SLC35F3: variants seen among roughly 807,000 people sequenced by gnomAD.
SLC35F3 encodes putative thiamine transporter SLC35F3.
SLC35F3 carries 25 observed loss-of-function variants against 49.9 expected under a neutral mutation model. That is an observed-to-expected ratio of 0.50 (90% CI 0.37 to 0.70). The LOEUF is 0.70. Ranked by LOEUF, SLC35F3 falls within the 30% of genes least tolerant of loss-of-function variation. SLC35F3 has a pLI of 0.00. For missense variants in SLC35F3, 525 were observed against 639.8 expected (o/e 0.82, Z 1.94); for synonymous variants, 275 against 265.4 (o/e 1.04, Z -0.35).
At chr1:233,942,685 C>A (rs958401816) in intron 2 of SLC35F3, among the ~76,000 whole-genome samples, 3 of 152,184 alleles carry the variant, frequency 2.0e-5, no homozygotes, top group African/African-American at 4.8e-5. Context: ...AGTGTTAGGA[C>A]TACAGACATG....
intron 2 of SLC35F3, among the ~76,000 whole-genome samples, chr1:234,021,782 G>C (rs1476383783): frequency 6.6e-6 from 1 of 151,846 alleles, no homozygotes; most frequent in Non-Finnish European, 1.5e-5. Context: ...TTTTATTCTT[G>C]GTTAATTTCC....
At chr1:234,130,473 T>TAAAAAAAA (rs71170467) in intron 2 of SLC35F3, among the ~76,000 whole-genome samples, 1 of 138,856 alleles carries the variant, frequency 7.2e-6, no homozygotes, top group Non-Finnish European at 1.5e-5. Context: ...ACCCCGTCTC[T>TAAAAAAAA]AAAAAAAAAA....
At chr1:234,048,757 A>G (rs1022339499) in intron 2 of SLC35F3, among the ~76,000 whole-genome samples, 16 of 151,338 alleles carry the variant, frequency 1.1e-4, no homozygotes, top group Admixed American at 5.9e-4. Flanking sequence ...CATTGGGTCC[A>G]GAAGGTAAGG....
Position 234,231,035 on chromosome 1 carries a change from C to A in SLC35F3, c.284-382C>A, listed in dbSNP as rs1572105491. On this transcript the variant is annotated intron_variant, in intron 2 of 7. Transcript: ENST00000366618. The surrounding 1 kb of genome is among the most constrained non-coding windows in gnomAD (Gnocchi z 5.4). ...GACATAAATGAGAGTGGAGATATTT[C>A]AGCTGCTCTGTGTGTTCTGGAGGAG... is the stretch of plus-strand genomic sequence containing the variant. Among the ~76,000 whole-genome samples the A allele has an allele frequency of 6.6e-6, 1 of 152,202 alleles. No homozygotes were observed. Among genetic ancestry groups the A allele is most frequent in the Non-Finnish European group, 1.5e-5 (1 of 68,030 alleles).
intron 2 of SLC35F3, among the ~76,000 whole-genome samples, chr1:234,107,478 T>C (rs868343503): frequency 2.2e-4 from 34 of 152,232 alleles, no homozygotes; most frequent in African/African-American, 7.9e-4. Flanking sequence ...GGGTTGCTAT[T>C]ACCGGGGAGT....
intron 2 of SLC35F3, among the ~76,000 whole-genome samples, chr1:234,119,473 T>C (rs12089807): frequency 0.21 from 32,217 of 151,986 alleles, 3,795 homozygotes; most frequent in Non-Finnish European, 0.27. Flanking sequence ...GCATGATGGG[T>C]CCGCCGTTGG....
chr1:233,975,135 C>T (rs77082985), intron 2 of SLC35F3, among the ~76,000 whole-genome samples: 8,606 of 150,826 alleles, frequency 0.057, 492 homozygotes, highest in East Asian at 0.17. Context: ...GTCAGGCCTG[C>T]GGCCTAGGAA....
chr1:234,219,099 T>C (rs1378597801), intron 2 of SLC35F3, among the ~76,000 whole-genome samples: 2 of 133,106 alleles, frequency 1.5e-5, no homozygotes, highest in African/African-American at 2.8e-5. Context: ...ATATAACTAA[T>C]ATAACTCAGT....
intron 2 of SLC35F3, among the ~76,000 whole-genome samples, chr1:234,092,400 TCCCA>T (rs994219066): frequency 1.3e-5 from 2 of 152,094 alleles, no homozygotes; most frequent in African/African-American, 4.8e-5. Context: ...AGGACCCCTC[TCCCA>T]CCCCCTCCTA....
chr1:234,066,492 G>A (rs1036304947), intron 2 of SLC35F3, among the ~76,000 whole-genome samples: 1 of 152,092 alleles, frequency 6.6e-6, no homozygotes, highest in African/African-American at 2.4e-5. Context: ...TTTCCTCATG[G>A]TTTTTAAGCA....
chr1:234,113,165 C>G (rs1009991463), intron 2 of SLC35F3, among the ~76,000 whole-genome samples: 1 of 152,152 alleles, frequency 6.6e-6, no homozygotes, highest in Non-Finnish European at 1.5e-5. Flanking sequence ...CTCTTATGAG[C>G]CCCTGATAAT....
intron 3 of SLC35F3, among the ~76,000 whole-genome samples, chr1:234,301,488 G>A (rs1379170179): frequency 1.3e-5 from 2 of 152,190 alleles, no homozygotes; most frequent in African/African-American, 2.4e-5. Flanking sequence ...AAATCAGAAT[G>A]CGATACCATC....
intron 2 of SLC35F3, among the ~76,000 whole-genome samples, chr1:233,971,536 A>T (rs1047234296): frequency 1.3e-5 from 2 of 152,120 alleles, no homozygotes; most frequent in African/African-American, 4.8e-5. Context: ...CCCAGCCAAC[A>T]TGGTGAAACC....
chr1:234,179,114 G>A (rs1666519806), intron 2 of SLC35F3, among the ~76,000 whole-genome samples: 1 of 152,082 alleles, frequency 6.6e-6, no homozygotes, highest in Admixed American at 6.5e-5. Context: ...CCTCCTTCAC[G>A]ACTCTGTTTC....
At chr1:234,078,833 A>G (rs1664835006) in intron 2 of SLC35F3, among the ~76,000 whole-genome samples, 1 of 152,252 alleles carries the variant, frequency 6.6e-6, no homozygotes, top group African/African-American at 2.4e-5. Context: ...GAACAAGGAC[A>G]TGACTGACCT....
intron 4 of SLC35F3, among the ~76,000 whole-genome samples, chr1:234,311,675 T>C (rs1046916976): frequency 6.6e-6 from 1 of 152,218 alleles, no homozygotes. Context: ...ACGTATGGTA[T>C]GAGAGGGTGA....
chr1:233,921,684 G>A (rs535095412), intron 2 of SLC35F3, among the ~76,000 whole-genome samples: 1 of 152,098 alleles, frequency 6.6e-6, no homozygotes, highest in South Asian at 2.1e-4. Context: ...TTAAGTTCTA[G>A]GGTACATGTG....
chr1:234,302,695 G>A (rs1358178769), intron 3 of SLC35F3, among the ~76,000 whole-genome samples: 1 of 152,096 alleles, frequency 6.6e-6, no homozygotes, highest in Admixed American at 6.6e-5. Context: ...ACTAACATCT[G>A]TTTGAACTTG....
intron 2 of SLC35F3, among the ~76,000 whole-genome samples, chr1:233,984,328 T>C (rs146027758): frequency 1.3e-5 from 2 of 152,322 alleles, no homozygotes; most frequent in African/African-American, 2.4e-5. Context: ...GGACCAGATA[T>C]GCACACCGAG....
Sources: allele counts gnomAD v4.1 joint callset (sites outside exome capture counted in the v4.1 genomes callset), GRCh38; gene constraint gnomAD v4.1.1; non-coding constraint Gnocchi (gnomAD v3.1); transcripts MANE v1.5; gene names NCBI Gene and HGNC (gene_info 2026-07-23, HGNC 2026-07-21).